The following GNPDA2 variants were observed in gnomAD, a reference collection of about 807,000 sequenced individuals.
The protein encoded by GNPDA2 is glcN6P deaminase 2.
In GNPDA2, 24 loss-of-function variants were observed where a neutral mutation model predicts 27.0. The ratio of observed to expected loss-of-function variants is 0.89; its 90% confidence interval spans 0.64 to 1.25. GNPDA2 has a LOEUF of 1.25. Among genes scored for constraint, GNPDA2 ranks in the 50% most tolerant of loss-of-function variants. The pLI, the probability that GNPDA2 is intolerant of heterozygous loss-of-function variation, is 0.00. For missense variants in GNPDA2, 286 were observed against 335.1 expected, an observed-to-expected ratio of 0.85 and a Z score of 1.14; for synonymous variants, 94 against 108.4, an observed-to-expected ratio of 0.87 and a Z score of 0.83.
rs891933210 is a variant in GNPDA2, at chr4:44,709,065, A to C, written c.595-1139T>G. On this transcript the variant is annotated intron_variant, in intron 5 of 6. Coordinates refer to ENST00000295448, the MANE Select transcript of GNPDA2 (RefSeq NM_138335.3). ...TTGTAAAAGTTCTAACAATTAGACA[A>C]TATGAGCTAAGAGTCTTTTCATTAT... Among the ~76,000 whole-genome samples, 123 of 152,170 alleles carry C rather than the reference A, an allele frequency of 8.1e-4. 3 individuals are homozygous for C. The highest frequency in any genetic ancestry group is 3.1e-4 in the Non-Finnish European group (21 of 68,022).
chr4:44,704,740 G>A lies in GNPDA2; in HGVS notation c.770-1598C>T. The A allele has an allele frequency of 5.1e-6, 5 of 984,524 alleles. No homozygotes were observed. The South Asian group carries it at 2.4e-4, about 46-fold the overall frequency. The allele number at this position is 984,524 out of a possible 1,614,324, so 61.0% of individuals were successfully genotyped here. A position where few individuals can be genotyped will look rare whatever the true frequency, so the allele number is the denominator to read the frequency against. On this transcript the variant is annotated intron_variant, in intron 6 of 6. Transcript: ENST00000295448. ...TTCCTGAAACGTTACCAGAAGAAAG[G>A]TTAAATGTCACAGATTCTAACCAAT...
At chr4:44,703,263 A>G in intron 6 of GNPDA2, 121 bp from the exon 7 acceptor site, 1 of 1,421,142 alleles carries the variant, frequency 7.0e-7, no homozygotes, top group Non-Finnish European at 9.2e-7. Flanking sequence ...ATCTTGATAT[A>G]GTCAAGTTTA....
chr4:44,711,074 C>T lies in GNPDA2; in HGVS notation c.473G>A (p.Arg158Lys). 1.2e-6 allele frequency: 2 copies of T among 1,612,828 alleles called. No homozygotes were observed. Among genetic ancestry groups the T allele is most frequent in the Middle Eastern group, 1.7e-4 (1 of 6,048 alleles). ...GGTATCCATTGCTAGAGTCTTTAAT[C>T]TTGTCCTTGACACTAAACTGGATCC... is the stretch of plus-strand genomic sequence containing the variant. ...EPGSSLVSRTRLKTLAMDTIL... is the reference protein window; with the variant it reads ...EPGSSLVSRTKLKTLAMDTIL... The change falls in exon 5 of 7, where the codon AGA (arginine) becomes AAA (lysine). Residue 158 changes from arginine (R) to lysine (K), a missense_variant. Coordinates refer to ENST00000295448, the MANE Select transcript of GNPDA2 (RefSeq NM_138335.3).
intron 2 of GNPDA2, among the ~76,000 whole-genome samples, chr4:44,721,589 T>G (rs984711820): frequency 2.6e-5 from 4 of 151,890 alleles, no homozygotes; most frequent in African/African-American, 9.7e-5. Context: ...TTGTAATACA[T>G]CTATAATAGA....
chr4:44,726,347 G>A (rs1044805268), intron 1 of GNPDA2, 127 bp downstream of exon 1: 2 of 152,354 alleles, frequency 1.3e-5, no homozygotes, highest in Admixed American at 6.5e-5. Context: ...AGGTTCCTGA[G>A]CACCCATTCC....
chr4:44,722,608 A>G (rs993195036), intron 1 of GNPDA2, among the ~76,000 whole-genome samples: 11 of 152,196 alleles, frequency 7.2e-5, no homozygotes, highest in Non-Finnish European at 1.5e-4. Context: ...TCCCTAAACA[A>G]TACAGTATAA....
chr4:44,720,655 G>T (rs1006059798), intron 2 of GNPDA2, among the ~76,000 whole-genome samples: 1 of 152,046 alleles, frequency 6.6e-6, no homozygotes, highest in East Asian at 1.9e-4. Flanking sequence ...AGCAATTACC[G>T]ACATGTATGT....
intron 6 of GNPDA2, chr4:44,704,027 G>A (rs1246568275): frequency 3.0e-6 from 3 of 985,140 alleles, no homozygotes; most frequent in Non-Finnish European, 3.6e-6. Context: ...GGAGAGATAG[G>A]TTGCTTGTTA....
chr4:44,712,139 T>A (rs545113260), intron 4 of GNPDA2, among the ~76,000 whole-genome samples: 1 of 152,122 alleles, frequency 6.6e-6, no homozygotes, highest in Non-Finnish European at 1.5e-5. Flanking sequence ...AACTTAAGAA[T>A]CTTTCCATGA....
In GNPDA2 at chr4:44,722,119, C is replaced by T; in HGVS notation, c.89G>A (p.Gly30Glu). The change falls in exon 2 of 7, where the codon GGA becomes GAA. Residue 30 changes from glycine (G) to glutamate (E), a missense_variant. By Grantham distance (98) the Gly-to-Glu change is moderately conservative. Coordinates refer to ENST00000295448, the MANE Select transcript of GNPDA2 (RefSeq NM_138335.3). ...ICNRIIQFKP[G>E]QDRYFTLGLP... ...ACCCAGTGTAAAATATCTGTCCTGT[C>T]CAGGTTTGAACTGAATGATGCGATT... The T allele has an allele frequency of 6.2e-7, 1 of 1,613,220 alleles. No individual in the cohort carries two copies. Among genetic ancestry groups the T allele is most frequent in the Non-Finnish European group, 8.5e-7 (1 of 1,179,398 alleles).
chr4:44,724,553 CT>C (rs1463486071), intron 1 of GNPDA2, among the ~76,000 whole-genome samples: 2 of 143,250 alleles, frequency 1.4e-5, no homozygotes, highest in African/African-American at 5.0e-5. Flanking sequence ...TCCCATAATT[CT>C]TAGATTTTTA....
At chr4:44,721,085 AC>A (rs1339022135) in intron 2 of GNPDA2, among the ~76,000 whole-genome samples, 1 of 151,878 alleles carries the variant, frequency 6.6e-6, no homozygotes, top group Admixed American at 6.6e-5. Context: ...TGCCATTCTC[AC>A]CAAGATCTAC....
intron 4 of GNPDA2, chr4:44,714,441 G>A: frequency 1.0e-6 from 1 of 985,282 alleles, no homozygotes; most frequent in Non-Finnish European, 1.2e-6. Context: ...TCTTCCCTCA[G>A]AGGAAAGGGA....
In GNPDA2 at chr4:44,707,761, A is replaced by G; in HGVS notation, c.760T>C (p.Tyr254His). The change falls in exon 6 of 7, where the codon TAC (tyrosine) becomes CAC (histidine). Residue 254 changes from tyrosine (Y) to histidine (H), a missense_variant. Physicochemically the swap from Tyr to His is moderately conservative, Grantham distance 83. Transcript: ENST00000295448. Reference protein sequence around the residue: ...TLELRVKTVKYFKGLMHVHNK... With the variant: ...TLELRVKTVKHFKGLMHVHNK... ...GAAATTCAGTGCTCACCTTTAAAGT[A>G]TTTCACAGTTTTAACTCTTAATTCT... 2 of 1,612,500 alleles carry G rather than the reference A, an allele frequency of 1.2e-6. No individual in the cohort carries two copies. Among genetic ancestry groups the G allele is most frequent in the Non-Finnish European group, 1.7e-6 (2 of 1,179,090 alleles).
chr4:44,718,752 T>G (rs907490087), intron 2 of GNPDA2, among the ~76,000 whole-genome samples: 6 of 151,896 alleles, frequency 4.0e-5, no homozygotes, highest in Admixed American at 2.0e-4. Flanking sequence ...AAAAAAATCT[T>G]GAGTTCTTGC....
chr4:44,703,026 A>G lies in GNPDA2; in HGVS notation c.*55T>C. 1 of 1,599,610 alleles carries G rather than the reference A, an allele frequency of 6.3e-7. No individual in the cohort carries two copies. Among genetic ancestry groups the G allele is most frequent in the South Asian group, 1.1e-5 (1 of 87,200 alleles). On this transcript the variant is annotated 3_prime_UTR_variant, in exon 7 of 7. Coordinates refer to ENST00000295448, the MANE Select transcript of GNPDA2 (RefSeq NM_138335.3). The stretch of plus-strand genomic sequence containing the variant: ...ATATTGCATAGCTGAAAATTCATCT[A>G]CTACTTAGTAAAAAGTGCTCTGTTC...
chr4:44,710,863 C>A, intron 5 of GNPDA2, 90 bp downstream of exon 5: 2 of 1,071,114 alleles, frequency 1.9e-6, no homozygotes, highest in South Asian at 2.0e-5. Context: ...AGAATGCAAT[C>A]AAAATATCAC....
intron 2 of GNPDA2, among the ~76,000 whole-genome samples, chr4:44,718,739 G>C (rs1444519211): frequency 6.6e-6 from 1 of 150,836 alleles, no homozygotes; most frequent in Admixed American, 6.6e-5. Flanking sequence ...CTCCCTTTCT[G>C]AAAAAAAAAT....
intron 4 of GNPDA2, chr4:44,714,757 G>T (rs544739918): frequency 1.5e-6 from 1 of 665,210 alleles, no homozygotes; most frequent in Non-Finnish European, 1.9e-6. Flanking sequence ...ATTCTTTCAT[G>T]AATACATATC....
Sources: allele counts gnomAD v4.1 joint callset (sites outside exome capture counted in the v4.1 genomes callset), GRCh38; gene constraint gnomAD v4.1.1; transcripts MANE v1.5; gene names NCBI Gene and HGNC (gene_info 2026-07-23, HGNC 2026-07-21).